MAST2: variants seen among roughly 807,000 people sequenced by gnomAD.
MAST2 encodes the protein microtubule associated serine/threonine kinase 2.
A neutral mutation model predicts 147.4 loss-of-function variants in MAST2; 70 were observed. The observed-to-expected ratio is 0.47, with a 90% confidence interval of 0.39 to 0.58. The LOEUF (loss-of-function observed/expected upper bound fraction) is 0.58, where lower values mean the gene tolerates loss of function less well. Ranked by LOEUF, MAST2 falls within the 20% of genes least tolerant of loss-of-function variation. The pLI is 0.00. For missense variants in MAST2, 2,080 were observed against 2,302.3 expected, an observed-to-expected ratio of 0.90 and a Z score of 1.98; for synonymous variants, 869 against 896.8, an observed-to-expected ratio of 0.97 and a Z score of 0.55.
Position 45,987,777 on chromosome 1 carries a change from A to ATTTTTTTTTTTTTTTTTTTTTTTTT in MAST2, c.593-9923_593-9922insTTTTTTTTTTTTTTTTTTTTTTTTT. On this transcript the variant is annotated intron_variant, in intron 5 of 28. Coordinates refer to ENST00000361297, the MANE Select transcript of MAST2 (RefSeq NM_015112.3). ...AGCATTTCTTGTTTTTTTTTTTTTG[A>ATTTTTTTTTTTTTTTTTTTTTTTTT]TTTTTTTTTTTTTTTTTTTTTTTTG... 1.1e-3 allele frequency among the ~76,000 whole-genome samples: 25 copies of ATTTTTTTTTTTTTTTTTTTTTTTTT among 21,804 alleles called. 3 individuals carry two copies. The highest frequency in any genetic ancestry group is 1.5e-3 in the African/African-American group (7 of 4,752). 14.3% of individuals were successfully genotyped at this position (21,804 alleles called of 152,430 possible).
Position 46,025,674 on chromosome 1 carries a change from C to T in MAST2, c.1781-3C>T, listed in dbSNP as rs1292285969. Reference sequence around the variant, plus strand: ...TCCTCATGGTAGCCTGGGCTTGTTGCAGGGGGAGACTGTGCCACTCTGCTG... The same window carrying T: ...TCCTCATGGTAGCCTGGGCTTGTTGTAGGGGGAGACTGTGCCACTCTGCTG... On this transcript the variant is annotated splice_region_variant and splice_polypyrimidine_tract_variant and intron_variant, in intron 15 of 28. Transcript: ENST00000361297. The T allele has an allele frequency of 3.7e-6, 6 of 1,614,024 alleles. No homozygotes were observed. Among genetic ancestry groups the T allele is most frequent in the East Asian group, 2.2e-5 (1 of 44,888 alleles).
At chr1:45,864,716 CTTGTT>C (rs1430835309) in intron 3 of MAST2, among the ~76,000 whole-genome samples, 2 of 152,262 alleles carry the variant, frequency 1.3e-5, no homozygotes, top group Admixed American at 1.3e-4. Flanking sequence ...GGTGGAGACT[CTTGTT>C]TTGTTTGCTA....
chr1:46,035,278 GGAGCA>G lies in MAST2; in HGVS notation c.4611_4615del (p.Ala1538ArgfsTer14). The stretch of plus-strand genomic sequence containing the variant: ...AGTGAGCCAGAGTGTGGCCCCTAAA[GGAGCA>G]GGAGAGAGTGGGGAAGAGGATCCTT... On this transcript the variant is annotated frameshift_variant, in exon 29 of 29. Coordinates refer to ENST00000361297, the MANE Select transcript of MAST2 (RefSeq NM_015112.3). LOFTEE classifies it low-confidence loss of function (END_TRUNC). The surrounding 1 kb of genome is among the most constrained non-coding windows in gnomAD (Gnocchi z 5.5). The G allele has an allele frequency of 6.2e-7, 1 of 1,614,038 alleles. No individual in the cohort carries two copies. Among genetic ancestry groups the G allele is most frequent in the Non-Finnish European group, 8.5e-7 (1 of 1,180,006 alleles).
chr1:46,026,069 A>G (rs1003088066), intron 16 of MAST2, among the ~76,000 whole-genome samples: 2 of 152,192 alleles, frequency 1.3e-5, no homozygotes, highest in African/African-American at 4.8e-5. Flanking sequence ...GAAGAAACCA[A>G]GCAAGAACAA....
At chr1:45,904,539 C>G (rs1415083768) in intron 4 of MAST2, among the ~76,000 whole-genome samples, 3 of 151,936 alleles carry the variant, frequency 2.0e-5, no homozygotes, top group Non-Finnish European at 4.4e-5. Flanking sequence ...GCAATCACAG[C>G]TCACTGCAGC....
In MAST2 at chr1:45,867,772, G is replaced by GTATA. The variant is rs144501021; in HGVS notation, c.469-14591_469-14588dup. On this transcript the variant is annotated intron_variant, in intron 3 of 28. Coordinates refer to ENST00000361297, the MANE Select transcript of MAST2 (RefSeq NM_015112.3). ...AAGTAGGTGTATGGCCAGGCTAGAT[G>GTATA]TATAGGTTAGGGTACTCTGAACTAC... is the stretch of plus-strand genomic sequence containing the variant. 6.6e-3 allele frequency among the ~76,000 whole-genome samples: 1,004 copies of GTATA among 152,316 alleles called. 11 individuals carry two copies. Among genetic ancestry groups the GTATA allele is most frequent in the African/African-American group, 0.023 (968 of 41,570 alleles).
intron 4 of MAST2, among the ~76,000 whole-genome samples, chr1:45,890,897 C>T (rs995561525): frequency 6.6e-6 from 1 of 152,136 alleles, no homozygotes; most frequent in African/African-American, 2.4e-5. Flanking sequence ...AAAATAAATG[C>T]TTTGTCCTCC....
chr1:45,833,605 C>A (rs1209647272), intron 3 of MAST2, among the ~76,000 whole-genome samples: 5 of 152,044 alleles, frequency 3.3e-5, no homozygotes, highest in Non-Finnish European at 5.9e-5. Context: ...ACTTTGATTT[C>A]TCTACATCCT....
chr1:45,934,378 C>G (rs528590184), intron 4 of MAST2, among the ~76,000 whole-genome samples: 6 of 152,070 alleles, frequency 3.9e-5, no homozygotes, highest in African/African-American at 1.2e-4. Context: ...TCCAGCTACT[C>G]GGGAGGCTGA....
At chr1:45,818,828 T>G (rs1446472370) in intron 1 of MAST2, among the ~76,000 whole-genome samples, 2 of 152,360 alleles carry the variant, frequency 1.3e-5, no homozygotes, top group East Asian at 3.9e-4. Context: ...ATTCAAAAAT[T>G]GCTCATATTT....
chr1:45,813,719 G>A (rs6701694), intron 1 of MAST2, among the ~76,000 whole-genome samples: 51,619 of 151,828 alleles, frequency 0.34, 9,180 homozygotes, highest in African/African-American at 0.44. Context: ...GGCTGGTCTC[G>A]AACTTCTGAC....
chr1:45,946,506 A>G (rs985178902), intron 4 of MAST2, among the ~76,000 whole-genome samples: 5 of 152,098 alleles, frequency 3.3e-5, no homozygotes, highest in African/African-American at 9.7e-5. Context: ...TATTAAATTC[A>G]TGATATCTTG....
intron 4 of MAST2, among the ~76,000 whole-genome samples, chr1:45,942,744 T>G (rs558696571): frequency 6.6e-6 from 1 of 152,210 alleles, no homozygotes; most frequent in Non-Finnish European, 1.5e-5. Context: ...GTCACTGCTG[T>G]CTCTAGTGAT....
intron 4 of MAST2, among the ~76,000 whole-genome samples, chr1:45,947,350 T>G (rs1658213418): frequency 1.3e-5 from 2 of 151,538 alleles, no homozygotes; most frequent in Non-Finnish European, 2.9e-5. Flanking sequence ...CCTCATAATG[T>G]TTTAAGAAAA....
At chr1:45,826,183 A>G (rs140280366) in intron 2 of MAST2, among the ~76,000 whole-genome samples, 183 of 152,320 alleles carry the variant, frequency 1.2e-3, no homozygotes, top group Non-Finnish European at 1.9e-3. Context: ...AATCCCTTTT[A>G]TCCTGTGAGG....
Position 46,035,182 on chromosome 1 carries a change from G to C in MAST2, c.4513G>C (p.Glu1505Gln). 3 of 1,614,032 alleles carry C rather than the reference G, an allele frequency of 1.9e-6. No individual in the cohort carries two copies. Among genetic ancestry groups the C allele is most frequent in the Non-Finnish European group, 2.5e-6 (3 of 1,180,032 alleles). Residue 1505 changes from glutamate (E) to glutamine (Q), a missense_variant, in exon 29 of 29, where the codon GAG becomes CAG. Glu to Gln is a conservative substitution (Grantham distance 29). Coordinates refer to ENST00000361297, the MANE Select transcript of MAST2 (RefSeq NM_015112.3). The surrounding 1 kb of genome is among the most constrained non-coding windows in gnomAD (Gnocchi z 5.5). The part of the protein sequence containing the change: ...QEAIREVDSS[E>Q]DDTEEGPENS... ...AGCCATTCGTGAGGTGGACTCCTCA[G>C]AGGACGACACCGAGGAAGGGCCTGA...
chr1:45,891,824 T>C (rs1379068534), intron 4 of MAST2, among the ~76,000 whole-genome samples: 1 of 152,158 alleles, frequency 6.6e-6, no homozygotes, highest in Admixed American at 6.5e-5. Flanking sequence ...TAAATTTTTA[T>C]AAAGAATCTC....
chr1:46,002,719 C>A (rs1206627107), intron 6 of MAST2, 86 bp from the exon 7 acceptor site: 2 of 1,150,292 alleles, frequency 1.7e-6, no homozygotes, highest in Non-Finnish European at 2.6e-6. Context: ...AATCAACTGC[C>A]CCCAAAATGC....
At chr1:45,936,459 C>T (rs974600671) in intron 4 of MAST2, among the ~76,000 whole-genome samples, 1 of 124,682 alleles carries the variant, frequency 8.0e-6, no homozygotes, top group South Asian at 2.8e-4. Flanking sequence ...TCAAGGGGAC[C>T]GTGTTTTTTG....
Sources: allele counts gnomAD v4.1 joint callset (sites outside exome capture counted in the v4.1 genomes callset), GRCh38; gene constraint gnomAD v4.1.1; non-coding constraint Gnocchi (gnomAD v3.1); transcripts MANE v1.5; gene names NCBI Gene and HGNC (gene_info 2026-07-23, HGNC 2026-07-21).